The following GALNT13 variants were observed in gnomAD, a reference collection of about 807,000 sequenced individuals.
GALNT13 encodes the protein polypeptide N-acetylgalactosaminyltransferase 13, also known as UDP-GalNAc:polypeptide N-acetylgalactosaminyltransferase 13.
A neutral mutation model predicts 64.2 loss-of-function variants in GALNT13; 28 were observed. That is an observed-to-expected ratio of 0.44 (90% CI 0.32 to 0.60). The LOEUF is 0.60. Among genes scored for constraint, GALNT13 ranks in the 20% least tolerant of loss-of-function variants. The pLI, the probability that GALNT13 is intolerant of heterozygous loss-of-function variation, is 0.05. For missense variants in GALNT13, 577 were observed against 669.8 expected (o/e 0.86, Z 1.53); for synonymous variants, 214 against 224.6 (o/e 0.95, Z 0.42).
chr2:153,536,025 A>T, the GALNT13 span, among the ~76,000 whole-genome samples: 9 of 152,182 alleles, frequency 5.9e-5, no homozygotes, highest in African/African-American at 1.9e-4. Flanking sequence ...ATGTTGAGTA[A>T]AACTAATTTG....
intron 3 of GALNT13, among the ~76,000 whole-genome samples, chr2:154,022,284 G>C (rs1225563288): frequency 6.6e-6 from 1 of 152,186 alleles, no homozygotes; most frequent in Non-Finnish European, 1.5e-5. Context: ...AATGGTACCA[G>C]CTCTTCTTTT....
chr2:153,219,448 C>A, the GALNT13 span, among the ~76,000 whole-genome samples: 2 of 152,162 alleles, frequency 1.3e-5, no homozygotes, highest in Admixed American at 1.3e-4. Context: ...ACAGAGAAAA[C>A]AACTCATGAC....
At chr2:153,461,325 C>T in the GALNT13 span, among the ~76,000 whole-genome samples, 1 of 152,038 alleles carries the variant, frequency 6.6e-6, no homozygotes. Context: ...GAAGATGCTA[C>T]TCTGACCACT....
At chr2:153,255,738 C>T in the GALNT13 span, among the ~76,000 whole-genome samples, 2 of 152,260 alleles carry the variant, frequency 1.3e-5, no homozygotes, top group Non-Finnish European at 2.9e-5. Context: ...CTTAGTTTGG[C>T]TGGATATGAA....
At chr2:153,806,822 G>A in the GALNT13 span, among the ~76,000 whole-genome samples, 6 of 152,094 alleles carry the variant, frequency 3.9e-5, no homozygotes, top group South Asian at 1.0e-3. Context: ...GGAATAGAAG[G>A]GAACCTGTAG....
chr2:154,101,172 T>TTGC (rs1393080273), intron 3 of GALNT13, among the ~76,000 whole-genome samples: 1 of 152,002 alleles, frequency 6.6e-6, no homozygotes, highest in East Asian at 1.9e-4. Context: ...GTTGTTGTTG[T>TTGC]TGTTGTATCC....
At chr2:153,761,863 G>A in the GALNT13 span, 1 of 156,662 alleles carries the variant, frequency 6.4e-6, no homozygotes, top group African/African-American at 2.4e-5. Context: ...TCTGTCCATA[G>A]ACATAAACTA....
At chr2:153,154,807 T>C in the GALNT13 span, among the ~76,000 whole-genome samples, 90 of 152,312 alleles carry the variant, frequency 5.9e-4, no homozygotes, top group African/African-American at 2.1e-3. Flanking sequence ...TTGTGCCAGT[T>C]TTCAAAGGGG....
At chr2:154,143,860 C>CAAA (rs34582475) in intron 4 of GALNT13, among the ~76,000 whole-genome samples, 5 of 58,900 alleles carry the variant, frequency 8.5e-5, no homozygotes, top group Admixed American at 2.3e-4. Context: ...GACTCTGTCT[C>CAAA]AAAAAAAAAA....
the GALNT13 span, among the ~76,000 whole-genome samples, chr2:153,087,676 A>T: frequency 1.3e-5 from 2 of 151,768 alleles, no homozygotes; most frequent in Admixed American, 1.3e-4. Flanking sequence ...CAGTGTTTTT[A>T]TTCCTTCCTG....
At chr2:153,161,171 A>G in the GALNT13 span, among the ~76,000 whole-genome samples, 1 of 152,198 alleles carries the variant, frequency 6.6e-6, no homozygotes, top group South Asian at 2.1e-4. Flanking sequence ...ACCGCTTATG[A>G]ACTGCTTGAT....
rs1553520473 is a variant in GALNT13, at chr2:154,371,766, T to TG, written c.1157-24225_1157-24224insG. Among the ~76,000 whole-genome samples, 694 of 151,194 alleles carry TG rather than the reference T, an allele frequency of 4.6e-3. 8 individuals carry two copies. The highest frequency in any genetic ancestry group is 0.012 in the African/African-American group (493 of 41,306). Reference sequence around the variant, plus strand: ...TAGAAAACAAGGCCTTAAGCTTTTTTTGTGTGTGTGTGCTTTAATTAAATC... The same window carrying TG: ...TAGAAAACAAGGCCTTAAGCTTTTTTGTGTGTGTGTGTGCTTTAATTAAATC... On this transcript the variant is annotated intron_variant, in intron 9 of 12. Coordinates refer to ENST00000392825, the MANE Select transcript of GALNT13 (RefSeq NM_052917.4).
intron 3 of GALNT13, among the ~76,000 whole-genome samples, chr2:154,045,317 T>C (rs932450301): frequency 2.0e-5 from 3 of 152,134 alleles, no homozygotes; most frequent in African/African-American, 7.2e-5. Flanking sequence ...TTGGAAGATA[T>C]AGGAGAGGTA....
the GALNT13 span, among the ~76,000 whole-genome samples, chr2:153,798,402 TTC>T: frequency 6.6e-6 from 1 of 152,192 alleles, no homozygotes; most frequent in Non-Finnish European, 1.5e-5. Context: ...ATTGAATACT[TTC>T]TGAGTTTATT....
intron 2 of GALNT13, among the ~76,000 whole-genome samples, chr2:153,906,582 T>G (rs926990859): frequency 1.3e-5 from 2 of 152,110 alleles, no homozygotes; most frequent in African/African-American, 4.8e-5. Context: ...AACTCATCAT[T>G]TTTTATGGCT....
intron 11 of GALNT13, among the ~76,000 whole-genome samples, chr2:154,418,307 C>A (rs901614751): frequency 1.1e-4 from 16 of 152,002 alleles, no homozygotes; most frequent in African/African-American, 3.4e-4. Context: ...CAAAAGATAC[C>A]CATGTTCTAA....
intron 9 of GALNT13, among the ~76,000 whole-genome samples, chr2:154,354,216 GT>G (rs1045283288): frequency 1.3e-5 from 2 of 151,896 alleles, no homozygotes; most frequent in Non-Finnish European, 2.9e-5. Flanking sequence ...AGAAATTTCT[GT>G]TCAGGTCTTT....
At chr2:153,987,373 G>C (rs1694870746) in intron 3 of GALNT13, among the ~76,000 whole-genome samples, 1 of 151,824 alleles carries the variant, frequency 6.6e-6, no homozygotes, top group African/African-American at 2.4e-5. Flanking sequence ...GCTTAAGGGA[G>C]AGGGGCCTTT....
At chr2:153,601,108 T>C in the GALNT13 span, among the ~76,000 whole-genome samples, 3 of 151,864 alleles carry the variant, frequency 2.0e-5, no homozygotes, top group African/African-American at 7.2e-5. Context: ...AAATAAATGT[T>C]TACCACAGTA....
Sources: gnomAD v4.1 joint callset for allele counts (sites outside exome capture counted in the v4.1 genomes callset) on GRCh38, gnomAD v4.1.1 for gene constraint, MANE v1.5 for transcripts, NCBI Gene and HGNC (gene_info 2026-07-23, HGNC 2026-07-21) for gene names.